KIF6: variants seen among roughly 807,000 people sequenced by gnomAD.
KIF6 encodes kinesin family member 6, also known as kinesin-like protein KIF6.
A neutral mutation model predicts 112.7 loss-of-function variants in KIF6; 106 were observed. That is an observed-to-expected ratio of 0.94 (90% confidence interval 0.80 to 1.11). The LOEUF (loss-of-function observed/expected upper bound fraction) is 1.11, where lower values mean the gene tolerates loss of function less well. Among genes scored for constraint, KIF6 ranks in the 50% least tolerant of loss-of-function variants. The pLI is 0.00. For synonymous variants in KIF6, 339 were observed against 339.9 expected (o/e 1.00, Z 0.03); for missense variants, 929 against 964.0 (o/e 0.96, Z 0.48).
chr6:39,468,791 AG>A (rs1270814621), intron 13 of KIF6, among the ~76,000 whole-genome samples: 2 of 152,028 alleles, frequency 1.3e-5, no homozygotes, highest in African/African-American at 4.8e-5. Flanking sequence ...CACCAGTAAA[AG>A]TAATTATATA....
chr6:39,359,884 C>T (rs1406823925), intron 18 of KIF6, among the ~76,000 whole-genome samples: 1 of 152,190 alleles, frequency 6.6e-6, no homozygotes, highest in African/African-American at 2.4e-5. Context: ...CCACCGTGCC[C>T]AGCCTGATTC....
At chr6:39,376,682 T>C (rs1422890652) in intron 16 of KIF6, among the ~76,000 whole-genome samples, 1 of 152,210 alleles carries the variant, frequency 6.6e-6, no homozygotes, top group Non-Finnish European at 1.5e-5. Context: ...ATCATCACTG[T>C]CTAGTGTGAC....
Position 39,342,122 on chromosome 6 carries a change from C to T in KIF6, c.2428+1587G>A, listed in dbSNP as rs984054293. Among the ~76,000 whole-genome samples, 2 of 152,226 alleles carry T rather than the reference C, an allele frequency of 1.3e-5. No homozygotes were observed. Among genetic ancestry groups the T allele is most frequent in the Admixed American group, 6.5e-5 (1 of 15,276 alleles). On this transcript the variant is annotated intron_variant, in intron 22 of 22. Coordinates refer to ENST00000287152, the MANE Select transcript of KIF6 (RefSeq NM_145027.6). The surrounding 1 kb of genome is among the most constrained non-coding windows in gnomAD (Gnocchi z 4.7). ...GCTTCCTTCCCACCCTGTGGCCAAG[C>T]AAAGCTTCCCCTTCAGGCTTCTCGC...
rs1180461690 is a variant in KIF6 at position 39,714,944 on chromosome 6, A to G, written c.177-178T>C. Reference sequence around the variant, plus strand: ...CCACACTGTGCTGTTGTACTCCTGTATACAAATGGTGGGTAAACAGTATTG... The same window carrying G: ...CCACACTGTGCTGTTGTACTCCTGTGTACAAATGGTGGGTAAACAGTATTG... On this transcript the variant is annotated intron_variant, in intron 2 of 22. Transcript: ENST00000287152. The G allele has an allele frequency of 1.0e-4, 57 of 566,636 alleles. No homozygotes were observed. In the South Asian group the frequency reaches 1.2e-3, roughly 12 times the overall value. The allele number at this position is 566,636 out of a possible 1,614,324, so 35.1% of individuals were successfully genotyped here. A position where few individuals can be genotyped will look rare whatever the true frequency, so the allele number is the denominator to read the frequency against.
intron 10 of KIF6, among the ~76,000 whole-genome samples, chr6:39,563,371 T>C (rs1410250700): frequency 3.3e-5 from 5 of 152,204 alleles, no homozygotes; most frequent in African/African-American, 1.2e-4. Flanking sequence ...TTATCATCTA[T>C]GTACATAGCA....
intron 15 of KIF6, among the ~76,000 whole-genome samples, chr6:39,389,017 T>A (rs1453342755): frequency 6.6e-6 from 1 of 152,174 alleles, no homozygotes; most frequent in Non-Finnish European, 1.5e-5. Context: ...AATTGATGGA[T>A]TGTGGGTGGC....
chr6:39,551,767 G>A (rs1372857949), intron 10 of KIF6, among the ~76,000 whole-genome samples: 1 of 152,194 alleles, frequency 6.6e-6, no homozygotes, highest in Non-Finnish European at 1.5e-5. Flanking sequence ...GGTAGCATAA[G>A]AAATATGGCA....
chr6:39,623,474 T>C (rs1472755388), intron 5 of KIF6, among the ~76,000 whole-genome samples: 2 of 152,220 alleles, frequency 1.3e-5, no homozygotes, highest in Admixed American at 6.5e-5. Context: ...ATGTACTATC[T>C]TGTTCATAAA....
chr6:39,520,375 G>A (rs1418282874), intron 13 of KIF6, among the ~76,000 whole-genome samples: 2 of 152,174 alleles, frequency 1.3e-5, no homozygotes, highest in African/African-American at 4.8e-5. Flanking sequence ...AAAGCTGGCA[G>A]CTCCAACCAA....
intron 3 of KIF6, among the ~76,000 whole-genome samples, chr6:39,712,718 C>T (rs1044471979): frequency 1.3e-5 from 2 of 152,004 alleles, no homozygotes; most frequent in African/African-American, 4.8e-5. Flanking sequence ...AACCAAACAC[C>T]GCATGTTCTC....
At chr6:39,360,206 T>G (rs1765018527) in intron 18 of KIF6, among the ~76,000 whole-genome samples, 189 bp downstream of exon 18, 1 of 152,246 alleles carries the variant, frequency 6.6e-6, no homozygotes, top group Non-Finnish European at 1.5e-5. Context: ...ATTTTAGGCA[T>G]GACAGCAAGG....
At chr6:39,443,156 T>TAATAATAATA (rs1554217804) in intron 13 of KIF6, among the ~76,000 whole-genome samples, 112 of 113,072 alleles carry the variant, frequency 9.9e-4, no homozygotes, top group African/African-American at 3.6e-3. Context: ...ATAATAATAA[T>TAATAATAATA]AATAAATAAA....
intron 3 of KIF6, among the ~76,000 whole-genome samples, chr6:39,648,940 G>A (rs1338778384): frequency 6.6e-6 from 1 of 151,128 alleles, no homozygotes; most frequent in Admixed American, 6.6e-5. Context: ...CAGATGGATT[G>A]CTTCAGCCCA....
intron 13 of KIF6, among the ~76,000 whole-genome samples, chr6:39,512,565 T>C (rs1165389429): frequency 2.0e-5 from 3 of 152,198 alleles, no homozygotes; most frequent in African/African-American, 7.2e-5. Context: ...GAGCCTAGGC[T>C]TGTGTGTCTC....
At chr6:39,657,252 A>G (rs997360605) in intron 3 of KIF6, among the ~76,000 whole-genome samples, 7 of 126,398 alleles carry the variant, frequency 5.5e-5, no homozygotes, top group African/African-American at 1.4e-4. Context: ...AAGAAAAAAG[A>G]AAAAAAAAAA....
chr6:39,498,980 A>G (rs577875991), intron 13 of KIF6, among the ~76,000 whole-genome samples: 1 of 152,350 alleles, frequency 6.6e-6, no homozygotes, highest in South Asian at 2.1e-4. Flanking sequence ...CAGTTGATAA[A>G]TGCTTTGGAA....
intron 3 of KIF6, among the ~76,000 whole-genome samples, chr6:39,686,033 G>A (rs897875418): frequency 6.6e-6 from 1 of 152,080 alleles, no homozygotes; most frequent in Non-Finnish European, 1.5e-5. Flanking sequence ...TTCATGATGA[G>A]GGTTGGATTT....
intron 15 of KIF6, among the ~76,000 whole-genome samples, chr6:39,407,212 T>A (rs1053770041): frequency 2.6e-5 from 4 of 152,224 alleles, no homozygotes; most frequent in South Asian, 2.1e-4. Flanking sequence ...TGTGGTTTTT[T>A]AATTTTTCCT....
intron 13 of KIF6, among the ~76,000 whole-genome samples, chr6:39,454,671 C>T (rs1345719688): frequency 5.3e-5 from 8 of 152,130 alleles, no homozygotes; most frequent in African/African-American, 1.4e-4. Flanking sequence ...GCACACCGTG[C>T]GCGAGCCGAA....
Sources: allele counts gnomAD v4.1 joint callset (sites outside exome capture counted in the v4.1 genomes callset), GRCh38; gene constraint gnomAD v4.1.1; non-coding constraint Gnocchi (gnomAD v3.1); transcripts MANE v1.5; gene names NCBI Gene and HGNC (gene_info 2026-07-23, HGNC 2026-07-21).